Variants in EPHB2 observed in about 807,000 individuals in gnomAD.
The protein encoded by EPHB2 is EPH receptor B2.
EPHB2 carries 18 observed loss-of-function variants against 96.4 expected under a neutral mutation model. That is an observed-to-expected ratio of 0.19 (90% confidence interval 0.13 to 0.28). The LOEUF (loss-of-function observed/expected upper bound fraction) is 0.28. EPHB2 is among the 10% of genes least tolerant of loss of function. The pLI is 1.00. For synonymous variants in EPHB2, 506 were observed against 534.1 expected, an observed-to-expected ratio of 0.95 and a Z score of 0.72; for missense variants, 989 against 1,355.4, an observed-to-expected ratio of 0.73 and a Z score of 4.25.
rs1638408573 is a variant in EPHB2 at position 22,864,789 on chromosome 1, C to T, written c.968-88C>T. 2.0e-5 allele frequency: 17 copies of T among 830,534 alleles called. No individual in the cohort carries two copies. The South Asian group carries it at 2.9e-4, about 14-fold the overall frequency. The allele number at this position is 830,534 out of a possible 1,614,324, so 51.4% of individuals were successfully genotyped here. A position where few individuals can be genotyped will look rare whatever the true frequency, so the allele number is the denominator to read the frequency against. On this transcript the variant is annotated intron_variant, in intron 4 of 15. Coordinates refer to ENST00000374630, the MANE Select transcript of EPHB2 (RefSeq NM_017449.5). ...ATTTAAGGAAGTCCTTTCAGAGGGG[C>T]TGAGCCAGAGCAGCGGGCACAGAGT...
intron 3 of EPHB2, among the ~76,000 whole-genome samples, chr1:22,807,064 G>A (rs532716009): frequency 6.6e-6 from 1 of 152,244 alleles, no homozygotes; most frequent in Non-Finnish European, 1.5e-5. Context: ...CCTGGCACAT[G>A]TGGGCCATGG....
At chr1:22,714,088 C>T (rs528320753) in intron 1 of EPHB2, among the ~76,000 whole-genome samples, 10 of 152,126 alleles carry the variant, frequency 6.6e-5, no homozygotes, top group Non-Finnish European at 1.2e-4. Flanking sequence ...CTCCAAATAT[C>T]GATAGAGTTT....
At chr1:22,800,264 T>C (rs1644823817) in intron 3 of EPHB2, 1 of 152,300 alleles carries the variant, frequency 6.6e-6, no homozygotes, top group African/African-American at 2.4e-5. Context: ...CTGCACATGC[T>C]GTTGGAACGT....
At chr1:22,891,220 G>A in intron 6 of EPHB2, 2 of 455,938 alleles carry the variant, frequency 4.4e-6, no homozygotes, top group Non-Finnish European at 8.8e-6. Context: ...TCTGGCTCCA[G>A]CTTGTGATCT....
rs910031902 is a variant in EPHB2, at chr1:22,780,032, A to G, written c.62-1389A>G. Among the ~76,000 whole-genome samples, 56 of 152,202 alleles carry G rather than the reference A, an allele frequency of 3.7e-4. 1 individual carries two copies. The highest frequency in any genetic ancestry group is 3.7e-3 in the Admixed American group (56 of 15,282). The stretch of plus-strand genomic sequence containing the variant: ...ACCAGACCAGGAACTGCTCCATGGT[A>G]GGGTCTTGCTAGCCACGGTTTTCTC... On this transcript the variant is annotated intron_variant, in intron 1 of 15. Transcript: ENST00000374630.
At chr1:22,907,445 C>T (rs1462791336) in intron 11 of EPHB2, among the ~76,000 whole-genome samples, 1 of 152,130 alleles carries the variant, frequency 6.6e-6, no homozygotes, top group Non-Finnish European at 1.5e-5. Context: ...AGCACAAGGC[C>T]AACAGAGGAA....
intron 3 of EPHB2, among the ~76,000 whole-genome samples, chr1:22,861,893 A>G (rs1638269613): frequency 2.6e-5 from 4 of 152,214 alleles, no homozygotes; most frequent in Admixed American, 2.6e-4. Flanking sequence ...CCAGGCATAA[A>G]ATGTACTCCC....
At position 22,868,386 on chromosome 1, in the gene EPHB2, T is replaced by C. The variant is rs559522451; in HGVS notation, c.1303+3174T>C. 1.3e-4 allele frequency among the ~76,000 whole-genome samples: 20 copies of C among 152,252 alleles called. No individual in the cohort carries two copies. The South Asian group carries it at 4.1e-3, about 32-fold the overall frequency. On this transcript the variant is annotated intron_variant, in intron 5 of 15. Coordinates refer to ENST00000374630, the MANE Select transcript of EPHB2 (RefSeq NM_017449.5). ...TAGCAAATGAACGGCATTCATTTAG[T>C]CAGTGTATGAGTCAGCTACTCCTGC...
At chr1:22,777,396 C>G (rs1644467141) in intron 1 of EPHB2, among the ~76,000 whole-genome samples, 1 of 152,074 alleles carries the variant, frequency 6.6e-6, no homozygotes, top group African/African-American at 2.4e-5. Context: ...GATTCTGGCT[C>G]CTAATAGGGT....
At chr1:22,762,888 A>G (rs1644254493) in intron 1 of EPHB2, among the ~76,000 whole-genome samples, 1 of 152,102 alleles carries the variant, frequency 6.6e-6, no homozygotes, top group African/African-American at 2.4e-5. Context: ...TTCACCCAGG[A>G]GTGCTGGTGC....
intron 9 of EPHB2, among the ~76,000 whole-genome samples, 194 bp downstream of exon 9, chr1:22,896,672 C>G (rs1390818935): frequency 6.6e-6 from 1 of 152,196 alleles, no homozygotes; most frequent in Admixed American, 6.5e-5. Flanking sequence ...AGCGCTCTCC[C>G]CCTTTCCCTT....
At chr1:22,738,823 G>A (rs556696103) in intron 1 of EPHB2, among the ~76,000 whole-genome samples, 8 of 152,286 alleles carry the variant, frequency 5.3e-5, no homozygotes, top group African/African-American at 1.9e-4. Context: ...GAGGAAGAGA[G>A]GCATTCTCAA....
intron 5 of EPHB2, among the ~76,000 whole-genome samples, chr1:22,873,441 C>T (rs1249952282): frequency 2.6e-5 from 4 of 152,180 alleles, no homozygotes; most frequent in African/African-American, 9.7e-5. Flanking sequence ...AGGGCTTTTG[C>T]AAGCCTCTGC....
intron 1 of EPHB2, among the ~76,000 whole-genome samples, chr1:22,720,660 T>TCCGCCCCC (rs1215770523): frequency 1.7e-5 from 1 of 57,382 alleles, no homozygotes; most frequent in Non-Finnish European, 3.4e-5. Flanking sequence ...GAAATCTCAT[T>TCCGCCCCC]CCCCCCCCCC....
intron 1 of EPHB2, among the ~76,000 whole-genome samples, chr1:22,773,664 C>G (rs568881718): frequency 5.6e-4 from 86 of 152,350 alleles, no homozygotes; most frequent in Admixed American, 2.7e-3. Flanking sequence ...CATCACTACC[C>G]TCTTCAAGAA....
chr1:22,753,703 T>A (rs1644100248), intron 1 of EPHB2, among the ~76,000 whole-genome samples: 1 of 152,004 alleles, frequency 6.6e-6, no homozygotes, highest in African/African-American at 2.4e-5. Flanking sequence ...ACGGGCCCCC[T>A]GGGGACAGTT....
At chr1:22,728,021 A>G (rs981005616) in intron 1 of EPHB2, among the ~76,000 whole-genome samples, 2 of 152,118 alleles carry the variant, frequency 1.3e-5, no homozygotes, top group African/African-American at 4.8e-5. Context: ...AGCCTTTAAA[A>G]AATGTCTTAA....
chr1:22,867,939 G>A (rs950846848), intron 5 of EPHB2, among the ~76,000 whole-genome samples: 1 of 152,198 alleles, frequency 6.6e-6, no homozygotes, highest in East Asian at 1.9e-4. Flanking sequence ...AACCTCAGCT[G>A]TGCGTCTCTC....
At chr1:22,782,875 A>T (rs1644555327) in intron 2 of EPHB2, among the ~76,000 whole-genome samples, 1 of 151,668 alleles carries the variant, frequency 6.6e-6, no homozygotes, top group East Asian at 1.9e-4. Context: ...ATGTGTACTC[A>T]CCCTTCATCG....
Sources: gnomAD v4.1 joint callset for allele counts (sites outside exome capture counted in the v4.1 genomes callset) on GRCh38, gnomAD v4.1.1 for gene constraint, MANE v1.5 for transcripts, NCBI Gene and HGNC (gene_info 2026-07-23, HGNC 2026-07-21) for gene names.